The following RIMS2 variants were observed in gnomAD, a reference collection of about 807,000 sequenced individuals.
RIMS2 encodes the protein regulating synaptic membrane exocytosis 2.
Under a neutral mutation model 174.4 loss-of-function variants are expected in RIMS2, and 59 were observed. The ratio of observed to expected loss-of-function variants is 0.34; its 90% confidence interval spans 0.27 to 0.42. The LOEUF is 0.42. RIMS2 is among the 10% of genes least tolerant of loss of function. The pLI is 1.00. For synonymous variants in RIMS2, 606 were observed against 572.5 expected, an observed-to-expected ratio of 1.06 and a Z score of -0.84; for missense variants, 1,620 against 1,666.3, an observed-to-expected ratio of 0.97 and a Z score of 0.48.
chr8:104,224,319 TC>T (rs2138747980), intron 19 of RIMS2, among the ~76,000 whole-genome samples: 1 of 152,312 alleles, frequency 6.6e-6, no homozygotes, highest in Admixed American at 6.5e-5. Flanking sequence ...AGGCACAATC[TC>T]TGGTGTTTCA....
chr8:103,553,910 C>T (rs919903954), intron 1 of RIMS2, among the ~76,000 whole-genome samples: 4 of 151,728 alleles, frequency 2.6e-5, no homozygotes, highest in Non-Finnish European at 5.9e-5. Context: ...CACCTATAAT[C>T]ATCTAATCTT....
chr8:104,092,890 T>C (rs2097687800), intron 19 of RIMS2, among the ~76,000 whole-genome samples: 1 of 152,020 alleles, frequency 6.6e-6, no homozygotes, highest in African/African-American at 2.4e-5. Flanking sequence ...CAACCCTGGC[T>C]GTGCCAGTTA....
At position 103,547,755 on chromosome 8, in the gene RIMS2, C is replaced by T. The variant is rs1845779145; in HGVS notation, c.176+46693C>T. 2.6e-5 allele frequency among the ~76,000 whole-genome samples: 4 copies of T among 152,106 alleles called. No individual in the cohort carries two copies. In the South Asian group the frequency reaches 8.3e-4, roughly 32 times the overall value. On this transcript the variant is annotated intron_variant, in intron 1 of 23. Transcript: ENST00000504942. ...TTGGAACAATAAATAAGAATGATAG[C>T]TTGCTAGCTAAGTTAATAAAGGGAA...
chr8:104,200,932 C>T (rs1056075352), intron 19 of RIMS2, among the ~76,000 whole-genome samples: 2 of 152,102 alleles, frequency 1.3e-5, no homozygotes, highest in African/African-American at 4.8e-5. Flanking sequence ...ATCAACAAAA[C>T]CTAGCCAATG....
chr8:104,143,600 C>A (rs1400980856), intron 19 of RIMS2, among the ~76,000 whole-genome samples: 2 of 152,194 alleles, frequency 1.3e-5, no homozygotes, highest in Non-Finnish European at 2.9e-5. Context: ...CTTGACCAGT[C>A]CTACTGGGTT....
chr8:103,706,305 T>G (rs1176667), intron 2 of RIMS2, among the ~76,000 whole-genome samples: 4,712 of 152,264 alleles, frequency 0.031, 99 homozygotes, highest in Middle Eastern at 0.065. Flanking sequence ...TTTGGTAAAC[T>G]TTTAGTCTTC....
Position 103,806,807 on chromosome 8 carries a change from A to G in RIMS2, c.698+40270A>G, listed in dbSNP as rs140654131. On this transcript the variant is annotated intron_variant, in intron 3 of 23. Coordinates refer to ENST00000504942, the Ensembl canonical transcript of RIMS2. Reference sequence around the variant, plus strand: ...CCATTTTGAAGATAGAGTTGATAGAACCTACCGATAGATTTGATTTGTGTG... The same window carrying G: ...CCATTTTGAAGATAGAGTTGATAGAGCCTACCGATAGATTTGATTTGTGTG... Among the ~76,000 whole-genome samples the G allele has an allele frequency of 3.1e-3, 470 of 152,166 alleles. 1 individual carries two copies. Among genetic ancestry groups the G allele is most frequent in the Middle Eastern group, 0.024 (7 of 294 alleles).
chr8:103,665,869 C>G (rs921646534), intron 1 of RIMS2, among the ~76,000 whole-genome samples: 5 of 152,146 alleles, frequency 3.3e-5, no homozygotes, highest in Non-Finnish European at 7.4e-5. Flanking sequence ...GCTTATAAAA[C>G]TAAAAAATGT....
At chr8:104,097,965 T>C (rs1351144004) in intron 19 of RIMS2, among the ~76,000 whole-genome samples, 1 of 152,168 alleles carries the variant, frequency 6.6e-6, no homozygotes, top group Non-Finnish European at 1.5e-5. Context: ...TTTATAGCAA[T>C]GCTAGTACTT....
intron 19 of RIMS2, among the ~76,000 whole-genome samples, chr8:104,180,002 A>G (rs1472342382): frequency 1.3e-5 from 2 of 151,808 alleles, no homozygotes; most frequent in Non-Finnish European, 3.0e-5. Flanking sequence ...ACTTAAAAAT[A>G]TAATTTAGAG....
In RIMS2 at chr8:103,615,249, G is replaced by A. The variant is rs778837038; in HGVS notation, c.177-81837G>A. On this transcript the variant is annotated intron_variant, in intron 1 of 23. Transcript: ENST00000504942. ...ATGAAAATCGCTCAAAACCTACATG[G>A]AAATTAAACAACATGCTCCTTCATG... 2.4e-4 allele frequency among the ~76,000 whole-genome samples: 37 copies of A among 152,110 alleles called. 1 individual carries two copies. The highest frequency in any genetic ancestry group is 8.8e-5 in the Non-Finnish European group (6 of 68,022).
intron 3 of RIMS2, among the ~76,000 whole-genome samples, chr8:103,831,384 C>T (rs3107466): frequency 0.32 from 48,817 of 151,930 alleles, 8,791 homozygotes; most frequent in East Asian, 0.77. Context: ...GCTAATAACA[C>T]ACAGTGTCAG....
chr8:103,542,035 A>G (rs1842794933), intron 1 of RIMS2, among the ~76,000 whole-genome samples: 1 of 152,156 alleles, frequency 6.6e-6, no homozygotes, highest in African/African-American at 2.4e-5. Context: ...AAGGAACAAA[A>G]GATCCACAAA....
chr8:103,989,947 T>C (rs531097154), intron 17 of RIMS2, among the ~76,000 whole-genome samples: 49 of 152,270 alleles, frequency 3.2e-4, no homozygotes, highest in African/African-American at 1.1e-3. Flanking sequence ...TCTTAAAGAT[T>C]GTTTGCTGTA....
intron 1 of RIMS2, among the ~76,000 whole-genome samples, chr8:103,544,740 CAAGAA>C (rs1401361678): frequency 6.6e-6 from 1 of 152,164 alleles, no homozygotes; most frequent in Non-Finnish European, 1.5e-5. Context: ...CCAGAACACC[CAAGAA>C]AAGAAATACA....
At chr8:104,190,156 G>A (rs2098990221) in intron 19 of RIMS2, among the ~76,000 whole-genome samples, 1 of 151,988 alleles carries the variant, frequency 6.6e-6, no homozygotes, top group Admixed American at 6.6e-5. Flanking sequence ...TAGAACATTA[G>A]CTGGATGTGG....
intron 20 of RIMS2, among the ~76,000 whole-genome samples, chr8:104,246,496 T>C (rs957512673): frequency 1.3e-5 from 2 of 152,158 alleles, no homozygotes; most frequent in Non-Finnish European, 2.9e-5. Flanking sequence ...TCATCACATT[T>C]ACACTCTCAT....
intron 3 of RIMS2, among the ~76,000 whole-genome samples, chr8:103,846,379 AG>A (rs2098967991): frequency 6.6e-6 from 1 of 152,180 alleles, no homozygotes; most frequent in South Asian, 2.1e-4. Flanking sequence ...TAGAGAAAGA[AG>A]AACTAGTCAA....
At chr8:103,680,424 C>G (rs2096865625) in intron 1 of RIMS2, among the ~76,000 whole-genome samples, 1 of 151,902 alleles carries the variant, frequency 6.6e-6, no homozygotes, top group Non-Finnish European at 1.5e-5. Flanking sequence ...AATTATAAAG[C>G]TACTAGAAGA....
Sources: gnomAD v4.1 joint callset for allele counts (sites outside exome capture counted in the v4.1 genomes callset) on GRCh38, gnomAD v4.1.1 for gene constraint, MANE v1.5 for transcripts, NCBI Gene and HGNC (gene_info 2026-07-23, HGNC 2026-07-21) for gene names.